Variants in DNM3 observed in about 807,000 individuals in gnomAD.
DNM3 encodes dynamin 3, also known as dynamin-3.
DNM3 carries 47 observed loss-of-function variants against 101.6 expected under a neutral mutation model. The observed-to-expected ratio is 0.46, with a 90% CI of 0.37 to 0.59. The LOEUF (loss-of-function observed/expected upper bound fraction) is 0.59. Among genes scored for constraint, DNM3 ranks in the 20% least tolerant of loss-of-function variants. The pLI, the probability that DNM3 is intolerant of heterozygous loss-of-function variation, is 0.00. For missense variants in DNM3, 849 were observed against 1,085.7 expected (o/e 0.78, Z 3.06); for synonymous variants, 385 against 387.9 (o/e 0.99, Z 0.09).
At chr1:171,948,809 A>G (rs2042325117) in intron 2 of DNM3, among the ~76,000 whole-genome samples, 1 of 152,164 alleles carries the variant, frequency 6.6e-6, no homozygotes, top group African/African-American at 2.4e-5. Context: ...TAAGGTCAAG[A>G]TTTGTAAACT....
At chr1:171,968,606 G>T (rs1322994046) in intron 2 of DNM3, among the ~76,000 whole-genome samples, 2 of 152,162 alleles carry the variant, frequency 1.3e-5, no homozygotes, top group Non-Finnish European at 2.9e-5. Flanking sequence ...AAATAACTTA[G>T]TGTTGGCTTG....
intron 2 of DNM3, among the ~76,000 whole-genome samples, chr1:171,986,209 A>G (rs1002030674): frequency 2.0e-5 from 3 of 151,860 alleles, no homozygotes; most frequent in Non-Finnish European, 4.4e-5. Context: ...TCCATACCCC[A>G]CTTCCTTTTT....
chr1:172,058,718 C>T (rs2125901850), intron 10 of DNM3, among the ~76,000 whole-genome samples: 1 of 151,674 alleles, frequency 6.6e-6, no homozygotes, highest in Admixed American at 6.6e-5. Context: ...AAATTTATAG[C>T]ACTAAATGCC....
chr1:172,353,736 G>A (rs1188615457), intron 17 of DNM3, among the ~76,000 whole-genome samples: 2 of 152,118 alleles, frequency 1.3e-5, no homozygotes, highest in Admixed American at 6.5e-5. Flanking sequence ...TTTTGAAAAA[G>A]CAAATAATAA....
intron 13 of DNM3, among the ~76,000 whole-genome samples, chr1:172,124,303 G>A (rs144806782): frequency 0.017 from 2,518 of 152,148 alleles, 43 homozygotes; most frequent in Non-Finnish European, 0.026. Context: ...TGCATTTACC[G>A]TCAAGGGGGA....
At chr1:171,867,853 T>TGGG (rs1340271895) in intron 1 of DNM3, among the ~76,000 whole-genome samples, 5 of 152,140 alleles carry the variant, frequency 3.3e-5, no homozygotes, top group Non-Finnish European at 7.4e-5. Flanking sequence ...TCATCAAAGA[T>TGGG]GTCACACACT....
At chr1:172,184,700 A>G (rs1379486792) in intron 14 of DNM3, among the ~76,000 whole-genome samples, 1 of 152,162 alleles carries the variant, frequency 6.6e-6, no homozygotes, top group African/African-American at 2.4e-5. Context: ...AGGAAAAATC[A>G]TCTTAGAGTT....
chr1:171,854,832 G>T (rs1012772741), intron 1 of DNM3, among the ~76,000 whole-genome samples: 8 of 151,718 alleles, frequency 5.3e-5, no homozygotes, highest in Non-Finnish European at 1.5e-5. Flanking sequence ...CTCCCAAAGT[G>T]CTGGGATTAC....
chr1:172,334,596 A>T (rs2066336265), intron 17 of DNM3, among the ~76,000 whole-genome samples: 2 of 152,322 alleles, frequency 1.3e-5, no homozygotes, highest in Non-Finnish European at 2.9e-5. Flanking sequence ...AGCCCAATTC[A>T]CTTAGGATTG....
intron 15 of DNM3, among the ~76,000 whole-genome samples, chr1:172,267,562 A>G (rs1022888409): frequency 6.6e-6 from 1 of 152,188 alleles, no homozygotes; most frequent in Non-Finnish European, 1.5e-5. Flanking sequence ...TTAAGAAAAA[A>G]AAAAGCATAG....
At chr1:172,339,088 G>A (rs1009541086) in intron 17 of DNM3, 1 of 485,150 alleles carries the variant, frequency 2.1e-6, no homozygotes, top group South Asian at 1.5e-5. Context: ...AAGTTGGGGG[G>A]AACATCTCAC....
intron 14 of DNM3, among the ~76,000 whole-genome samples, chr1:172,237,281 T>C (rs2061580698): frequency 6.6e-6 from 1 of 152,078 alleles, no homozygotes; most frequent in Non-Finnish European, 1.5e-5. Context: ...AACTTAAGGA[T>C]TGAGGTTAGT....
chr1:172,232,296 A>G (rs147199415), intron 14 of DNM3, among the ~76,000 whole-genome samples: 1,968 of 152,326 alleles, frequency 0.013, 46 homozygotes, highest in African/African-American at 0.045. Context: ...AAAGAAGGCC[A>G]TTACATAATG....
chr1:172,239,321 G>C (rs901371926), intron 14 of DNM3, among the ~76,000 whole-genome samples: 1 of 152,162 alleles, frequency 6.6e-6, no homozygotes, highest in African/African-American at 2.4e-5. Context: ...ACATTGAAGA[G>C]AGAACACCAT....
intron 14 of DNM3, among the ~76,000 whole-genome samples, chr1:172,192,267 C>CTTTGGTTCTGTTTATATGATGGATTACAT (rs1230743062): frequency 1.1e-4 from 16 of 151,924 alleles, no homozygotes; most frequent in African/African-American, 3.9e-4. Context: ...TGGTTTTTGT[C>CTTTGGTTCTGTTTATATGATGGATTACAT]TTTGGTTCTG....
chr1:171,927,039 T>A (rs2040626621), intron 2 of DNM3, among the ~76,000 whole-genome samples: 1 of 152,160 alleles, frequency 6.6e-6, no homozygotes, highest in Admixed American at 6.5e-5. Context: ...TACGGTAGGT[T>A]CTAACCAGGA....
intron 12 of DNM3, among the ~76,000 whole-genome samples, chr1:172,086,711 T>C (rs972435052): frequency 6.6e-6 from 1 of 152,196 alleles, no homozygotes; most frequent in Admixed American, 6.5e-5. Context: ...AGTGGTGACC[T>C]ATGGTGGTAG....
intron 17 of DNM3, among the ~76,000 whole-genome samples, chr1:172,336,844 T>C (rs574289292): frequency 1.3e-5 from 2 of 152,274 alleles, no homozygotes; most frequent in African/African-American, 2.4e-5. Context: ...TGCTAACTAG[T>C]TGGGTGACTT....
At chr1:171,870,257 A>G (rs2035143207) in intron 1 of DNM3, among the ~76,000 whole-genome samples, 1 of 129,738 alleles carries the variant, frequency 7.7e-6, no homozygotes, top group South Asian at 3.5e-4. Flanking sequence ...TTGGGGTAAC[A>G]TATGATTTTT....
Sources: gnomAD v4.1 joint callset for allele counts (sites outside exome capture counted in the v4.1 genomes callset) on GRCh38, gnomAD v4.1.1 for gene constraint, MANE v1.5 for transcripts, NCBI Gene and HGNC (gene_info 2026-07-23, HGNC 2026-07-21) for gene names.